RYR2: variants seen among roughly 807,000 people sequenced by gnomAD.
RYR2 encodes cardiac muscle ryanodine receptor-calcium release channel.
In RYR2, 227 loss-of-function variants were observed where a neutral mutation model predicts 601.1. The ratio of observed to expected loss-of-function variants is 0.38; its 90% CI spans 0.34 to 0.42. The LOEUF is 0.42. Among genes scored for constraint, RYR2 ranks in the 10% least tolerant of loss-of-function variants. The pLI is 1.00. For missense variants in RYR2, 4,646 were observed against 6,156.5 expected, an observed-to-expected ratio of 0.75 and a Z score of 8.21; for synonymous variants, 2,223 against 2,175.1, an observed-to-expected ratio of 1.02 and a Z score of -0.61.
rs1676141440 is a variant in RYR2 at position 237,598,568 on chromosome 1, T to C, written c.4596+2911T>C. ...AACATACCCCTGAATAACCAGTGGG[T>C]AAATGAAGATGTTAAAAAAGAAATT... On this transcript the variant is annotated intron_variant, in intron 34 of 104. Transcript: ENST00000366574. Among the ~76,000 whole-genome samples the C allele has an allele frequency of 3.9e-5, 6 of 152,080 alleles. No homozygotes were observed. The South Asian group carries it at 1.2e-3, about 32-fold the overall frequency.
intron 2 of RYR2, among the ~76,000 whole-genome samples, chr1:237,301,224 A>G (rs1043123152): frequency 6.6e-5 from 10 of 152,192 alleles, no homozygotes; most frequent in African/African-American, 2.2e-4. Context: ...CTCTATGCTA[A>G]TCTCTCTTTA....
intron 56 of RYR2, among the ~76,000 whole-genome samples, chr1:237,661,357 G>GCCCGCA (rs1683773179): frequency 6.6e-6 from 1 of 152,062 alleles, no homozygotes; most frequent in South Asian, 2.1e-4. Flanking sequence ...GGAGTGGGGG[G>GCCCGCA]CTAGGGGAGG....
chr1:237,677,587 T>C (rs1353274185), intron 60 of RYR2, among the ~76,000 whole-genome samples: 1 of 152,290 alleles, frequency 6.6e-6, no homozygotes, highest in South Asian at 2.1e-4. Flanking sequence ...GTGTCTTAAA[T>C]TGAGAAGCTT....
intron 1 of RYR2, among the ~76,000 whole-genome samples, chr1:237,175,871 G>A (rs1677982617): frequency 1.3e-5 from 2 of 152,102 alleles, no homozygotes; most frequent in Non-Finnish European, 2.9e-5. Context: ...GTTTACTTTT[G>A]TGCTCCATAG....
intron 1 of RYR2, among the ~76,000 whole-genome samples, chr1:237,096,151 T>C (rs1395973122): frequency 6.6e-6 from 1 of 152,164 alleles, no homozygotes; most frequent in Non-Finnish European, 1.5e-5. Context: ...AAAAACCGGA[T>C]TGGACAGTGT....
chr1:237,176,034 C>T (rs1324051271), intron 1 of RYR2, among the ~76,000 whole-genome samples: 2 of 151,984 alleles, frequency 1.3e-5, no homozygotes, highest in African/African-American at 4.8e-5. Context: ...GAGTTCAAGG[C>T]CAGCCTGGGC....
intron 97 of RYR2, among the ~76,000 whole-genome samples, chr1:237,801,357 C>T (rs531577569): frequency 2.3e-4 from 28 of 120,556 alleles, no homozygotes; most frequent in African/African-American, 9.4e-4. Context: ...ATGATGAAAC[C>T]CCATCTCTAC....
At chr1:237,805,265 A>T (rs1420841091) in intron 98 of RYR2, among the ~76,000 whole-genome samples, 1 of 152,122 alleles carries the variant, frequency 6.6e-6, no homozygotes, top group Non-Finnish European at 1.5e-5. Context: ...GAACAAACTG[A>T]TACAGCTAAC....
At chr1:237,796,912 G>A (rs1317990319) in intron 96 of RYR2, among the ~76,000 whole-genome samples, 4 of 152,058 alleles carry the variant, frequency 2.6e-5, no homozygotes, top group Admixed American at 2.0e-4. Context: ...AGTCTCCCAA[G>A]TAGCTGGGAT....
intron 27 of RYR2, among the ~76,000 whole-genome samples, chr1:237,561,964 A>G (rs976563053): frequency 9.9e-5 from 15 of 152,222 alleles, no homozygotes; most frequent in African/African-American, 3.4e-4. Flanking sequence ...CACTAAGAGG[A>G]GATTCAAAAC....
At chr1:237,296,932 G>A (rs556780305) in intron 2 of RYR2, among the ~76,000 whole-genome samples, 37 of 152,252 alleles carry the variant, frequency 2.4e-4, no homozygotes, top group South Asian at 6.2e-4. Flanking sequence ...GTACATATTC[G>A]TTTAATATGG....
chr1:237,782,879 C>T, intron 89 of RYR2, among the ~76,000 whole-genome samples: 1 of 152,136 alleles, frequency 6.6e-6, no homozygotes, highest in East Asian at 1.9e-4. Flanking sequence ...GATTCAAACC[C>T]AACAATGTGG....
At chr1:237,185,713 A>G (rs637169) in intron 1 of RYR2, among the ~76,000 whole-genome samples, 91,494 of 151,912 alleles carry the variant, frequency 0.6, 27,651 homozygotes, top group Non-Finnish European at 0.63. Context: ...AGGGTAAAGC[A>G]AATGGCATTG....
intron 1 of RYR2, among the ~76,000 whole-genome samples, chr1:237,112,745 T>A (rs942180241): frequency 6.6e-6 from 1 of 152,180 alleles, no homozygotes; most frequent in East Asian, 1.9e-4. Context: ...TATCTCCCCA[T>A]GAGGATGTAA....
chr1:237,378,354 G>A (rs1230833775), intron 8 of RYR2, among the ~76,000 whole-genome samples: 1 of 152,204 alleles, frequency 6.6e-6, no homozygotes, highest in African/African-American at 2.4e-5. Flanking sequence ...AACTTATTTA[G>A]TAAGTTGTAG....
chr1:237,397,795 C>T (rs577953670), intron 10 of RYR2, among the ~76,000 whole-genome samples: 2 of 151,304 alleles, frequency 1.3e-5, no homozygotes, highest in East Asian at 3.9e-4. Context: ...CATCTCGGCT[C>T]ACTGTAAGCT....
At chr1:237,332,390 C>G (rs954387558) in intron 3 of RYR2, among the ~76,000 whole-genome samples, 3 of 152,010 alleles carry the variant, frequency 2.0e-5, no homozygotes, top group African/African-American at 7.2e-5. Flanking sequence ...TTTAGTTTTT[C>G]AGGTTCATTT....
At chr1:237,705,436 A>C in intron 67 of RYR2, 93 bp downstream of exon 67, 2 of 989,792 alleles carry the variant, frequency 2.0e-6, no homozygotes, top group Non-Finnish European at 3.0e-6. Context: ...GAGCTCTTTC[A>C]GTTTACTATA....
intron 4 of RYR2, among the ~76,000 whole-genome samples, chr1:237,362,331 G>A (rs1313644594): frequency 3.9e-5 from 6 of 152,150 alleles, no homozygotes; most frequent in African/African-American, 1.2e-4. Flanking sequence ...TTTGTGTAAT[G>A]AAATTTTAGC....
Sources: allele counts gnomAD v4.1 joint callset (sites outside exome capture counted in the v4.1 genomes callset), GRCh38; gene constraint gnomAD v4.1.1; transcripts MANE v1.5; gene names NCBI Gene and HGNC (gene_info 2026-07-23, HGNC 2026-07-21).